Variants in CYP2C18 observed in about 807,000 individuals in gnomAD.
CYP2C18 encodes the protein cytochrome P450 2C18.
In CYP2C18, 38 loss-of-function variants were observed where a neutral mutation model predicts 41.3. The ratio of observed to expected loss-of-function variants is 0.92; its 90% CI spans 0.71 to 1.21. The LOEUF is 1.21. Among genes scored for constraint, CYP2C18 ranks in the 50% most tolerant of loss-of-function variants. The pLI, the probability that CYP2C18 is intolerant of heterozygous loss-of-function variation, is 0.00. For missense variants in CYP2C18, 635 were observed against 591.4 expected (o/e 1.07, Z -0.77); for synonymous variants, 236 against 210.0 (o/e 1.12, Z -1.07).
intron 8 of CYP2C18, among the ~76,000 whole-genome samples, chr10:94,734,330 C>A (rs1202510316): frequency 6.6e-6 from 1 of 152,096 alleles, no homozygotes; most frequent in East Asian, 1.9e-4. Context: ...TTTCCTCTGG[C>A]TTTTGATCCC....
At chr10:94,691,112 C>T (rs1846989977) in intron 3 of CYP2C18, among the ~76,000 whole-genome samples, 1 of 152,124 alleles carries the variant, frequency 6.6e-6, no homozygotes, top group African/African-American at 2.4e-5. Context: ...AAAACTGGCA[C>T]AAGACAAGGA....
intron 3 of CYP2C18, among the ~76,000 whole-genome samples, chr10:94,691,167 G>A (rs1429387088): frequency 6.6e-6 from 1 of 152,070 alleles, no homozygotes; most frequent in Non-Finnish European, 1.5e-5. Flanking sequence ...CGGAAGTTCT[G>A]GACAGGGCAA....
chr10:94,734,626 G>A (rs1847888583), intron 8 of CYP2C18, among the ~76,000 whole-genome samples: 1 of 152,112 alleles, frequency 6.6e-6, no homozygotes, highest in Admixed American at 6.6e-5. Flanking sequence ...GATAAAGCTT[G>A]AAACTTTGTG....
chr10:94,702,668 G>A (rs1378559729), intron 4 of CYP2C18, among the ~76,000 whole-genome samples: 2 of 151,938 alleles, frequency 1.3e-5, no homozygotes, highest in Admixed American at 6.6e-5. Context: ...CTTGCATTGA[G>A]TTAGAACATA....
chr10:94,717,569 G>A (rs966573751), intron 5 of CYP2C18, among the ~76,000 whole-genome samples: 2 of 151,986 alleles, frequency 1.3e-5, no homozygotes, highest in African/African-American at 4.8e-5. Flanking sequence ...CCTCAATCTT[G>A]TCTTCTAGTA....
rs2134206739 is a variant in CYP2C18, at chr10:94,725,460, T to C, written c.1149+927T>C. ...TTTCAATTCTTATAACTCAGTTTTC[T>C]CTTTATTGTTTTATTTCACTGGTTA... On this transcript the variant is annotated intron_variant, in intron 7 of 8. Transcript: ENST00000285979. 4.6e-5 allele frequency among the ~76,000 whole-genome samples: 7 copies of C among 152,252 alleles called. No homozygotes were observed. In the South Asian group the frequency reaches 1.4e-3, roughly 32 times the overall value.
intron 5 of CYP2C18, among the ~76,000 whole-genome samples, chr10:94,711,867 A>T (rs1327467254): frequency 6.6e-6 from 1 of 151,786 alleles, no homozygotes; most frequent in Non-Finnish European, 1.5e-5. Context: ...TTAGAGGCAG[A>T]ATCTTGCCCC....
At chr10:94,692,176 G>A (rs1040472589) in intron 3 of CYP2C18, among the ~76,000 whole-genome samples, 1 of 152,094 alleles carries the variant, frequency 6.6e-6, no homozygotes, top group Non-Finnish European at 1.5e-5. Context: ...TGACAAATGG[G>A]ATCTAATTAA....
intron 3 of CYP2C18, among the ~76,000 whole-genome samples, chr10:94,688,687 C>T (rs754395289): frequency 6.6e-6 from 1 of 152,136 alleles, no homozygotes; most frequent in Non-Finnish European, 1.5e-5. Context: ...ACTATGCATA[C>T]GCTGTGAGTA....
chr10:94,708,499 C>A (rs1847380900), intron 5 of CYP2C18, among the ~76,000 whole-genome samples: 1 of 152,140 alleles, frequency 6.6e-6, no homozygotes, highest in South Asian at 2.1e-4. Flanking sequence ...TGGCTATGTC[C>A]TCATTACTAT....
Position 94,686,015 on chromosome 10 carries a change from A to G in CYP2C18, c.169-1755A>G, listed in dbSNP as rs1465161854. 7.9e-5 allele frequency among the ~76,000 whole-genome samples: 12 copies of G among 152,166 alleles called. No homozygotes were observed. The East Asian group carries it at 9.7e-4, about 12-fold the overall frequency. On this transcript the variant is annotated intron_variant, in intron 1 of 8. Coordinates refer to ENST00000285979, the MANE Select transcript of CYP2C18 (RefSeq NM_000772.3). Reference sequence around the variant, plus strand: ...CATTTTTCCACTATTAGTTTTTCCAATCCATGAACATGGGATATCTTTGCC... The same window carrying G: ...CATTTTTCCACTATTAGTTTTTCCAGTCCATGAACATGGGATATCTTTGCC...
At chr10:94,727,982 A>G (rs2134208649) in intron 7 of CYP2C18, among the ~76,000 whole-genome samples, 1 of 152,274 alleles carries the variant, frequency 6.6e-6, no homozygotes, top group East Asian at 1.9e-4. Context: ...CAATACATTA[A>G]TATTATCTAA....
intron 1 of CYP2C18, among the ~76,000 whole-genome samples, chr10:94,684,324 C>T (rs1846844490): frequency 6.6e-6 from 1 of 152,144 alleles, no homozygotes; most frequent in Non-Finnish European, 1.5e-5. Flanking sequence ...AACTCTGTAC[C>T]TGTTGACCAA....
At chr10:94,714,548 A>G (rs563321455) in intron 5 of CYP2C18, among the ~76,000 whole-genome samples, 45 of 152,150 alleles carry the variant, frequency 3.0e-4, no homozygotes, top group South Asian at 6.2e-4. Context: ...TCTCTGTGTC[A>G]GTACCAGTAC....
chr10:94,717,210 T>C (rs1847564926), intron 5 of CYP2C18, among the ~76,000 whole-genome samples: 1 of 152,172 alleles, frequency 6.6e-6, no homozygotes, highest in African/African-American at 2.4e-5. Context: ...ATGTGTGAAT[T>C]TCATCCTGTC....
At chr10:94,703,901 G>A (rs556248104) in intron 4 of CYP2C18, among the ~76,000 whole-genome samples, 16 of 152,166 alleles carry the variant, frequency 1.1e-4, no homozygotes, top group Non-Finnish European at 1.9e-4. Flanking sequence ...TGTGGGTTGC[G>A]ACAGGTTGCG....
chr10:94,701,109 C>G (rs1055757819), intron 4 of CYP2C18, among the ~76,000 whole-genome samples: 11 of 152,126 alleles, frequency 7.2e-5, no homozygotes, highest in Admixed American at 5.2e-4. Context: ...CCCAGCCTTC[C>G]CATTACTGGG....
chr10:94,721,197 T>C (rs1847639942), intron 6 of CYP2C18, among the ~76,000 whole-genome samples: 1 of 152,040 alleles, frequency 6.6e-6, no homozygotes. Flanking sequence ...GTATTTTTAG[T>C]AGAGACGGGG....
chr10:94,684,845 T>G (rs1432437785), intron 1 of CYP2C18, among the ~76,000 whole-genome samples: 2 of 152,168 alleles, frequency 1.3e-5, no homozygotes, highest in Non-Finnish European at 2.9e-5. Flanking sequence ...TTGTCAACAC[T>G]TGTTATCTTT....
Sources: allele counts gnomAD v4.1 joint callset (sites outside exome capture counted in the v4.1 genomes callset), GRCh38; gene constraint gnomAD v4.1.1; transcripts MANE v1.5; gene names NCBI Gene and HGNC (gene_info 2026-07-23, HGNC 2026-07-21).